Variants in CDHR2 observed in about 807,000 individuals in gnomAD.
The protein encoded by CDHR2 is cadherin-related family member 2.
Under a neutral mutation model 138.6 loss-of-function variants are expected in CDHR2, and 104 were observed. The observed-to-expected ratio is 0.75, with a 90% CI of 0.64 to 0.88. The LOEUF is 0.88. Ranked by LOEUF, CDHR2 falls within the 40% of genes least tolerant of loss-of-function variation. CDHR2 has a pLI of 0.00. For synonymous variants in CDHR2, 755 were observed against 742.8 expected, an observed-to-expected ratio of 1.02 and a Z score of -0.27; for missense variants, 1,624 against 1,727.6, an observed-to-expected ratio of 0.94 and a Z score of 1.06.
Position 176,589,409 on chromosome 5 carries a change from C to T in CDHR2, c.3088C>T (p.Pro1030Ser). 1 of 1,583,890 alleles carries T rather than the reference C, an allele frequency of 6.3e-7. No individual in the cohort carries two copies. The highest frequency in any genetic ancestry group is 1.7e-5 in the Admixed American group (1 of 58,244). ...VQARDRPSLG[P>S]FLEATTTLNL... is the part of the protein sequence containing the mutation. ...GGCCAGGGACAGACCTTCCTTGGGT[C>T]CTTTCCTGGAAGCCACCACCACCCT... Residue 1030 changes from proline (P) to serine (S), a missense_variant, in exon 23 of 32, where the codon CCT (proline) becomes TCT (serine). This residue lies in a region of CDHR2 where 556 missense variants were observed against 565.7 expected (regional missense o/e 0.98). Coordinates refer to ENST00000261944, the MANE Select transcript of CDHR2 (RefSeq NM_017675.6).
At position 176,586,072 on chromosome 5, in the gene CDHR2, C is replaced by T. The variant is rs143696039; in HGVS notation, c.2806+47C>T. On this transcript the variant is annotated intron_variant, in intron 20 of 31. Coordinates refer to ENST00000261944, the MANE Select transcript of CDHR2 (RefSeq NM_017675.6). ...ACACCATACCCCTGCTCCATAAGGC[C>T]GCCTTTGAGCAACCCCGACAGACCC... is the stretch of plus-strand genomic sequence containing the variant. 5.5e-4 allele frequency: 833 copies of T among 1,512,356 alleles called. 7 individuals carry two copies. In the East Asian group the frequency reaches 0.012, roughly 22 times the overall value. The allele number at this position is 1,512,356 out of a possible 1,614,324, so 93.7% of individuals were successfully genotyped here.
intron 17 of CDHR2, among the ~76,000 whole-genome samples, chr5:176,581,794 T>A (rs1327807756): frequency 6.6e-6 from 1 of 152,028 alleles, no homozygotes; most frequent in Non-Finnish European, 1.5e-5. Context: ...ATTAAGTGAG[T>A]TAATGAATGG....
chr5:176,576,537 T>C lies in CDHR2; in HGVS notation c.1194+352T>C, dbSNP rs1319392622. Among the ~76,000 whole-genome samples, 1 of 150,770 alleles carries C rather than the reference T, an allele frequency of 6.6e-6. No homozygotes were observed. The highest frequency in any genetic ancestry group is 1.5e-5 in the Non-Finnish European group (1 of 67,786). ...CTGGGAACTGGGGGAGGCTGAGCAG[T>C]GTTGGGACAAGTGGTCTGAGGGTGT... On this transcript the variant is annotated intron_variant, in intron 12 of 31. Coordinates refer to ENST00000261944, the MANE Select transcript of CDHR2 (RefSeq NM_017675.6). The surrounding 1 kb of genome is among the most constrained non-coding windows in gnomAD (Gnocchi z 4.5).
rs1367695677 is a variant in CDHR2 at position 176,558,246 on chromosome 5, C to T, written c.-15-7092C>T. Among the ~76,000 whole-genome samples the T allele has an allele frequency of 1.2e-4, 18 of 146,546 alleles. 1 individual carries two copies. In the East Asian group the frequency reaches 3.4e-3, roughly 28 times the overall value. On this transcript the variant is annotated intron_variant, in intron 1 of 31. Transcript: ENST00000261944. Reference sequence around the variant, plus strand: ...TTTTTTTTTTTTTGAGACGGAGTCTCACTCTGTCGCCCAGGCTGGAGTGCA... The same window carrying T: ...TTTTTTTTTTTTTGAGACGGAGTCTTACTCTGTCGCCCAGGCTGGAGTGCA...
At position 176,587,506 on chromosome 5, in the gene CDHR2, C is replaced by T. The variant is rs556669409; in HGVS notation, c.2856+664C>T. On this transcript the variant is annotated intron_variant, in intron 21 of 31. Coordinates refer to ENST00000261944, the MANE Select transcript of CDHR2 (RefSeq NM_017675.6). ...AGCCAAGTCATAAAAAGGCTTTCAG[C>T]TGTTTATGGTGTTGGATGTGGCAAG... Among the ~76,000 whole-genome samples the T allele has an allele frequency of 2.3e-3, 357 of 152,120 alleles. 1 individual carries two copies. Among genetic ancestry groups the T allele is most frequent in the African/African-American group, 8.2e-3 (342 of 41,492 alleles).
intron 14 of CDHR2, 80 bp downstream of exon 14, chr5:176,577,878 GTA>G: frequency 2.0e-6 from 3 of 1,529,462 alleles, no homozygotes. Flanking sequence ...GTGTGTGTGT[GTA>G]TGTGTGAGAT....
chr5:176,561,083 G>A lies in CDHR2; in HGVS notation c.-15-4255G>A, dbSNP rs186835429. The stretch of plus-strand genomic sequence containing the variant: ...AATGGGAACTCCAACAATGAGAAGG[G>A]CAAGAGACAGACCGTCCTTTTCCTG... On this transcript the variant is annotated intron_variant, in intron 1 of 31. Coordinates refer to ENST00000261944, the MANE Select transcript of CDHR2 (RefSeq NM_017675.6). 1.6e-4 allele frequency among the ~76,000 whole-genome samples: 25 copies of A among 152,288 alleles called. 1 individual carries two copies. The East Asian group carries it at 2.5e-3, about 15-fold the overall frequency.
intron 1 of CDHR2, among the ~76,000 whole-genome samples, chr5:176,551,206 C>T (rs1017316647): frequency 1.7e-4 from 26 of 151,972 alleles, no homozygotes; most frequent in African/African-American, 3.4e-4. Context: ...TCTTGCTTGT[C>T]GCCCAGGCTC....
At chr5:176,586,700 G>A in intron 20 of CDHR2, 93 bp from the exon 21 acceptor site, 1 of 1,182,574 alleles carries the variant, frequency 8.5e-7, no homozygotes, top group South Asian at 1.3e-5. Flanking sequence ...GGCAGGTTTA[G>A]GGGGATGAGC....
upstream of CDHR2, among the ~76,000 whole-genome samples, chr5:176,544,451 C>CTCGCTTTCCTTT (rs371507296): frequency 3.4e-5 from 5 of 146,282 alleles, no homozygotes; most frequent in East Asian, 2.0e-4. Context: ...TTCTCTCTTT[C>CTCGCTTTCCTTT]CTTTTTTTGA....
chr5:176,544,150 C>G (rs911931211), intron 1 of CDHR2, among the ~76,000 whole-genome samples: 1 of 152,252 alleles, frequency 6.6e-6, no homozygotes, highest in South Asian at 2.1e-4. Context: ...AGCTCCTCTG[C>G]GGAGGGCTGA....
chr5:176,591,679 G>A, intron 30 of CDHR2, 195 bp downstream of exon 30: 1 of 605,038 alleles, frequency 1.7e-6, no homozygotes, highest in Non-Finnish European at 3.0e-6. Context: ...CAGTGGTGAT[G>A]ATGACAACAA....
chr5:176,569,484 G>T (rs973325393), intron 5 of CDHR2, among the ~76,000 whole-genome samples: 4 of 151,794 alleles, frequency 2.6e-5, no homozygotes, highest in African/African-American at 9.7e-5. Context: ...GGGTTTCACT[G>T]TGTTAGCCAG....
chr5:176,566,480 C>A (rs1758083731), intron 3 of CDHR2, among the ~76,000 whole-genome samples: 5 of 152,182 alleles, frequency 3.3e-5, no homozygotes, highest in Admixed American at 3.3e-4. Flanking sequence ...TTGGTTGGGA[C>A]CCCAAATAAC....
intron 5 of CDHR2, among the ~76,000 whole-genome samples, chr5:176,569,720 A>G (rs1265294920): frequency 5.3e-5 from 8 of 152,132 alleles, no homozygotes; most frequent in Admixed American, 5.2e-4. Flanking sequence ...CCACTTTGGG[A>G]GGCCGAGGTG....
Position 176,584,533 on chromosome 5 carries a change from C to G in CDHR2, c.2252C>G (p.Ala751Gly). 6.2e-7 allele frequency: 1 copy of G among 1,613,316 alleles called. No homozygotes were observed. Among genetic ancestry groups the G allele is most frequent in the Non-Finnish European group, 8.5e-7 (1 of 1,179,556 alleles). The part of the protein sequence containing the change: ...YFMIRGLVLG[A>G]GWAEGYLRLP... ...ATGATCCGAGGCTTGGTGCTGGGGG[C>G]TGGGTGGGCTGAGGGCTACCTCCGG... The change falls in exon 19 of 32, where the codon GCT (alanine) becomes GGT (glycine). Residue 751 changes from alanine (A) to glycine (G), a missense_variant. By Grantham distance (60) the Ala-to-Gly change is moderately conservative. This residue lies in a region of CDHR2 where 1,061 missense variants were observed against 1,136.6 expected (regional missense o/e 0.93). Transcript: ENST00000261944.
chr5:176,566,830 C>T (rs1758095023), intron 3 of CDHR2: 3 of 418,514 alleles, frequency 7.2e-6, no homozygotes, highest in Non-Finnish European at 1.5e-5. Flanking sequence ...GGGAACCTGG[C>T]AAATGTGGCC....
In CDHR2 at chr5:176,561,641, C is replaced by CTT. The variant is rs397772792; in HGVS notation, c.-15-3682_-15-3681dup. Among the ~76,000 whole-genome samples the CTT allele has an allele frequency of 3.5e-3, 452 of 130,114 alleles. 5 individuals are homozygous for CTT. Among genetic ancestry groups the CTT allele is most frequent in the African/African-American group, 5.5e-3 (190 of 34,590 alleles). 85.4% of individuals were successfully genotyped at this position (130,114 alleles called of 152,430 possible). A position where few individuals can be genotyped will look rare whatever the true frequency, so the allele number is the denominator to read the frequency against. On this transcript the variant is annotated intron_variant, in intron 1 of 31. Transcript: ENST00000261944. ...CAGAAGGGGATCCTGGAGTTGGGTT[C>CTT]TTTTTTTTTTTTTTTTGAGGTGGAG...
chr5:176,570,489 G>A (rs903068666), intron 5 of CDHR2, among the ~76,000 whole-genome samples: 1 of 152,058 alleles, frequency 6.6e-6, no homozygotes, highest in South Asian at 2.1e-4. Context: ...GGGACTACAG[G>A]CGCTCACCAA....
Sources: allele counts gnomAD v4.1 joint callset (sites outside exome capture counted in the v4.1 genomes callset), GRCh38; gene constraint gnomAD v4.1.1; regional missense constraint gnomAD v4.1.1; non-coding constraint Gnocchi (gnomAD v3.1); transcripts MANE v1.5; gene names NCBI Gene and HGNC (gene_info 2026-07-23, HGNC 2026-07-21).